The following FOXP2 variants were observed in gnomAD, a reference collection of about 807,000 sequenced individuals.
FOXP2 encodes forkhead box P2.
A neutral mutation model predicts 115.8 loss-of-function variants in FOXP2; 12 were observed. That is an observed-to-expected ratio of 0.10 (90% CI 0.07 to 0.17). The LOEUF (loss-of-function observed/expected upper bound fraction) is 0.17. FOXP2 is among the 10% of genes least tolerant of loss of function. The pLI is 1.00. For missense variants in FOXP2, 629 were observed against 843.5 expected (o/e 0.75, Z 3.15); for synonymous variants, 328 against 297.7 (o/e 1.10, Z -1.05).
chr7:114,418,942 T>C (rs1372140756), intron 1 of FOXP2, among the ~76,000 whole-genome samples: 1 of 151,876 alleles, frequency 6.6e-6, no homozygotes, highest in East Asian at 1.9e-4. Flanking sequence ...GTAATTAAAA[T>C]AAAACTGACA....
chr7:114,311,963 C>G (rs1464659999), intron 2 of FOXP2, among the ~76,000 whole-genome samples: 1 of 152,038 alleles, frequency 6.6e-6, no homozygotes, highest in African/African-American at 2.4e-5. Context: ...CTTGTGCACC[C>G]AGTGTCTTAT....
intron 6 of FOXP2, 70 bp from the exon 7 acceptor site, chr7:114,642,340 A>G: frequency 8.2e-6 from 10 of 1,226,412 alleles, no homozygotes; most frequent in Non-Finnish European, 1.1e-5. Flanking sequence ...ATCTATTAAT[A>G]ACACAAAGCT....
At chr7:114,375,105 A>G (rs909122067) in intron 2 of FOXP2, among the ~76,000 whole-genome samples, 2 of 152,178 alleles carry the variant, frequency 1.3e-5, no homozygotes, top group Non-Finnish European at 2.9e-5. Flanking sequence ...GTAAAAAAAA[A>G]AATTGATAAG....
At position 114,486,724 on chromosome 7, in the gene FOXP2, G is replaced by A. The variant is rs117287686; in HGVS notation, c.169-47893G>A. 4.3e-4 allele frequency among the ~76,000 whole-genome samples: 65 copies of A among 152,298 alleles called. No individual in the cohort carries two copies. In the East Asian group the frequency reaches 7.7e-3, roughly 18 times the overall value. On this transcript the variant is annotated intron_variant, in intron 2 of 16. Transcript: ENST00000350908. ...CCAAATGGGAGAAATTGGCCAAAAT[G>A]AAGCCATGCAGGCCCCATGCAAGTT...
upstream of FOXP2, chr7:114,086,336 C>A: frequency 2.4e-6 from 1 of 408,674 alleles, no homozygotes; most frequent in Non-Finnish European, 4.8e-6. Context: ...CGAGAAAGCG[C>A]GAGACACGCC....
chr7:114,371,476 T>TA, intron 2 of FOXP2, among the ~76,000 whole-genome samples: 1 of 152,060 alleles, frequency 6.6e-6, no homozygotes, highest in East Asian at 1.9e-4. Flanking sequence ...TAAAAATAAA[T>TA]AAAAAATCTT....
intron 3 of FOXP2, among the ~76,000 whole-genome samples, chr7:114,606,813 G>A (rs556529336): frequency 6.6e-6 from 1 of 152,158 alleles, no homozygotes; most frequent in African/African-American, 2.4e-5. Flanking sequence ...TTAGAGGAAG[G>A]CTAATATGTG....
chr7:114,332,699 G>A (rs886614595), intron 2 of FOXP2, among the ~76,000 whole-genome samples: 1 of 152,066 alleles, frequency 6.6e-6, no homozygotes, highest in Non-Finnish European at 1.5e-5. Context: ...AAATAAGGGT[G>A]GTTTGGGGTG....
At chr7:114,328,313 T>A (rs1029114886) in intron 2 of FOXP2, among the ~76,000 whole-genome samples, 1 of 149,224 alleles carries the variant, frequency 6.7e-6, no homozygotes, top group African/African-American at 2.5e-5. Context: ...CTCGGCTCAC[T>A]GCAAGCTCCG....
chr7:114,310,857 G>T (rs1330068225), intron 2 of FOXP2, among the ~76,000 whole-genome samples: 1 of 152,148 alleles, frequency 6.6e-6, no homozygotes, highest in Non-Finnish European at 1.5e-5. Flanking sequence ...TAGCAGAAAT[G>T]AAGTAAAGTA....
chr7:114,327,455 T>C (rs72603562), intron 2 of FOXP2, among the ~76,000 whole-genome samples: 8,127 of 152,214 alleles, frequency 0.053, 552 homozygotes, highest in East Asian at 0.34. Flanking sequence ...TATTTCCTGA[T>C]ACTATGTAGG....
At chr7:114,275,175 T>G (rs1407359276) in intron 1 of FOXP2, among the ~76,000 whole-genome samples, 3 of 152,018 alleles carry the variant, frequency 2.0e-5, no homozygotes, top group African/African-American at 7.2e-5. Flanking sequence ...GTTCTCTGAG[T>G]TTTCTGGATC....
intron 16 of FOXP2, chr7:114,664,892 C>T: frequency 5.3e-6 from 1 of 188,208 alleles, no homozygotes; most frequent in Non-Finnish European, 1.1e-5. Context: ...TAACTGTTAC[C>T]CACAGTTTAC....
chr7:114,232,566 C>G (rs1220344521), intron 1 of FOXP2, among the ~76,000 whole-genome samples: 1 of 152,024 alleles, frequency 6.6e-6, no homozygotes, highest in East Asian at 1.9e-4. Context: ...GTAATCCCAG[C>G]ACTTTGGGAG....
At chr7:114,288,872 G>GT (rs1796526092) in intron 2 of FOXP2, among the ~76,000 whole-genome samples, 1 of 151,724 alleles carries the variant, frequency 6.6e-6, no homozygotes, top group Non-Finnish European at 1.5e-5. Flanking sequence ...AAGCTTCCTA[G>GT]TAGTTTATAT....
chr7:114,298,963 T>C (rs1795776619), intron 2 of FOXP2, among the ~76,000 whole-genome samples: 1 of 152,140 alleles, frequency 6.6e-6, no homozygotes, highest in Admixed American at 6.5e-5. Flanking sequence ...ACGTACAAAA[T>C]TAGAAATAAT....
intron 2 of FOXP2, among the ~76,000 whole-genome samples, chr7:114,303,617 G>A (rs111856513): frequency 0.023 from 3,512 of 152,020 alleles, 88 homozygotes; most frequent in African/African-American, 0.055. Context: ...TACTCCTTCT[G>A]TGTTCTTAAT....
At chr7:114,414,133 T>C (rs1793242736), upstream of FOXP2, 2 of 152,124 alleles carry the variant, frequency 1.3e-5, no homozygotes, top group Non-Finnish European at 1.5e-5. Context: ...GTAGCTGTAG[T>C]TTTTACCTTA....
intron 2 of FOXP2, among the ~76,000 whole-genome samples, chr7:114,470,839 G>A (rs1223263935): frequency 6.6e-6 from 1 of 151,686 alleles, no homozygotes; most frequent in African/African-American, 2.4e-5. Context: ...TCGGGGAAGG[G>A]GAAGGGGGAG....
Sources: gnomAD v4.1 joint callset for allele counts (sites outside exome capture counted in the v4.1 genomes callset) on GRCh38, gnomAD v4.1.1 for gene constraint, MANE v1.5 for transcripts, NCBI Gene and HGNC (gene_info 2026-07-23, HGNC 2026-07-21) for gene names.